Variants in ITPR1 observed in about 807,000 individuals in gnomAD.
ITPR1 encodes inositol 1,4,5-trisphosphate-gated calcium channel ITPR1.
ITPR1 carries 96 observed loss-of-function variants against 318.4 expected under a neutral mutation model. The observed-to-expected ratio is 0.30, with a 90% CI of 0.26 to 0.36. ITPR1 has a LOEUF of 0.36. Ranked by LOEUF, ITPR1 falls within the 10% of genes least tolerant of loss-of-function variation. The pLI is 1.00. For synonymous variants in ITPR1, 1,312 were observed against 1,289.9 expected (o/e 1.02, Z -0.37); for missense variants, 2,440 against 3,460.2 (o/e 0.71, Z 7.40).
chr3:4,772,154 C>CT (rs1328758917), intron 46 of ITPR1, among the ~76,000 whole-genome samples: 11 of 152,346 alleles, frequency 7.2e-5, no homozygotes, highest in African/African-American at 2.6e-4. Flanking sequence ...CTCAGCCACT[C>CT]TGAGTGCCAT....
At chr3:4,591,823 T>G (rs1280017915) in intron 4 of ITPR1, among the ~76,000 whole-genome samples, 1 of 152,214 alleles carries the variant, frequency 6.6e-6, no homozygotes, top group African/African-American at 2.4e-5. Flanking sequence ...TTGAACATAA[T>G]GGCTCACTTC....
chr3:4,693,543 C>A lies in ITPR1; in HGVS notation c.4083C>A (p.Phe1361Leu), dbSNP rs763239856. 17 of 1,613,822 alleles carry A rather than the reference C, an allele frequency of 1.1e-5. No individual in the cohort carries two copies. The highest frequency in any genetic ancestry group is 1.3e-5 in the African/African-American group (1 of 74,914). Residue 1361 changes from phenylalanine to leucine, a missense_variant, in exon 33 of 62, where the codon TTC (phenylalanine) becomes TTA (leucine). This residue lies in a region of ITPR1 where 222 missense variants were observed against 318.8 expected (regional missense o/e 0.70). Coordinates refer to ENST00000649015, the MANE Select transcript of ITPR1 (RefSeq NM_001378452.1). ...TGTTCTACAACGACAGAGCCTCTTT[C>A]CAGACTCTGATCCAGATGATGCGGT... ...VLVFYNDRAS[F>L]QTLIQMMRSE...
rs1238574402 is a variant in ITPR1, at chr3:4,627,793, G to A, written c.194G>A (p.Arg65His). The change falls in exon 5 of 62, where the codon CGC becomes CAC. Residue 65 changes from arginine to histidine, a missense_variant. Arg to His is a conservative substitution (Grantham distance 29). Around this residue, in one of 23 missense-constraint regions of ITPR1, gnomAD observed 186 missense variants for 323.9 expected, o/e 0.57. Transcript: ENST00000649015. ...DCLFKLCPMN[R>H]YSAQKQFWKA... ...CTCTTTAAGCTATGTCCCATGAACC[G>A]CTACTCTGCCCAAAAGCAGTTCTGG... 1.2e-6 allele frequency: 2 copies of A among 1,613,074 alleles called. No individual in the cohort carries two copies. Among genetic ancestry groups the A allele is most frequent in the Admixed American group, 1.7e-5 (1 of 59,964 alleles).
intron 4 of ITPR1, among the ~76,000 whole-genome samples, chr3:4,528,664 AG>A (rs1186133715): frequency 6.6e-6 from 1 of 152,128 alleles, no homozygotes; most frequent in Non-Finnish European, 1.5e-5. Context: ...GTAGGGGTAT[AG>A]GACTTACTTT....
intron 4 of ITPR1, among the ~76,000 whole-genome samples, chr3:4,533,267 C>T (rs150577042): frequency 1.9e-4 from 29 of 152,312 alleles, no homozygotes; most frequent in East Asian, 1.5e-3. Flanking sequence ...TTGCCGAATC[C>T]GGTCATAATG....
intron 61 of ITPR1, among the ~76,000 whole-genome samples, chr3:4,840,715 C>T (rs143670610): frequency 5.3e-5 from 8 of 152,286 alleles, no homozygotes; most frequent in Non-Finnish European, 7.3e-5. Flanking sequence ...TATTATTTAA[C>T]GATGCCTCTC....
At chr3:4,709,405 G>T (rs761342466) in intron 37 of ITPR1, among the ~76,000 whole-genome samples, 3 of 152,208 alleles carry the variant, frequency 2.0e-5, no homozygotes, top group Non-Finnish European at 4.4e-5. Context: ...CTGGATGAAA[G>T]ATTAGTTAAT....
At chr3:4,751,071 G>T (rs200985849) in intron 44 of ITPR1, 1 of 152,714 alleles carries the variant, frequency 6.5e-6, no homozygotes, top group Admixed American at 6.5e-5. Context: ...TTGGACAGTC[G>T]GTATGGCCTG....
chr3:4,810,737 G>C (rs1301730862), intron 55 of ITPR1, among the ~76,000 whole-genome samples: 1 of 152,194 alleles, frequency 6.6e-6, no homozygotes, highest in African/African-American at 2.4e-5. Flanking sequence ...GAGGGGATGA[G>C]GAAAGTGCCT....
At chr3:4,802,994 A>T (rs1258764090) in intron 54 of ITPR1, among the ~76,000 whole-genome samples, 1 of 152,174 alleles carries the variant, frequency 6.6e-6, no homozygotes, top group East Asian at 1.9e-4. Context: ...TCGGTAATTT[A>T]TAAGAAAAGA....
chr3:4,790,891 C>A (rs2047513262), intron 52 of ITPR1, among the ~76,000 whole-genome samples: 1 of 152,244 alleles, frequency 6.6e-6, no homozygotes, highest in Non-Finnish European at 1.5e-5. Flanking sequence ...CACATCCTCT[C>A]TCTCACCATC....
chr3:4,679,068 G>A (rs148739629), intron 24 of ITPR1, among the ~76,000 whole-genome samples: 1 of 152,162 alleles, frequency 6.6e-6, no homozygotes, highest in Non-Finnish European at 1.5e-5. Context: ...GCCTTGAGCA[G>A]GGAGAAACGG....
At chr3:4,773,288 CT>C (rs986916360) in intron 46 of ITPR1, among the ~76,000 whole-genome samples, 16 of 152,266 alleles carry the variant, frequency 1.1e-4, no homozygotes, top group African/African-American at 3.6e-4. Context: ...TGGTGGGAGC[CT>C]GGAGGCCAGG....
At chr3:4,592,981 G>A (rs879438633) in intron 4 of ITPR1, among the ~76,000 whole-genome samples, 5 of 152,212 alleles carry the variant, frequency 3.3e-5, no homozygotes, top group Admixed American at 6.5e-5. Flanking sequence ...AGACCAACTG[G>A]CTTCTCTGGT....
At chr3:4,582,078 A>G (rs893428783) in intron 4 of ITPR1, among the ~76,000 whole-genome samples, 1 of 152,004 alleles carries the variant, frequency 6.6e-6, no homozygotes, top group Non-Finnish European at 1.5e-5. Context: ...AAGTCATGCT[A>G]TGTGTGAGAC....
At chr3:4,657,411 A>G (rs909999905) in intron 12 of ITPR1, among the ~76,000 whole-genome samples, 1 of 121,786 alleles carries the variant, frequency 8.2e-6, no homozygotes, top group Non-Finnish European at 1.5e-5. Context: ...TTTTTTTTTA[A>G]TCATCTGGAG....
intron 44 of ITPR1, among the ~76,000 whole-genome samples, chr3:4,764,946 CTGGATGGATGGATGGA>C (rs61395050): frequency 3.7e-4 from 54 of 147,696 alleles, no homozygotes; most frequent in African/African-American, 1.1e-3. Flanking sequence ...TAGTGGGTGG[CTGGATGGATGGATGGA>C]TGGATGGATG....
intron 4 of ITPR1, among the ~76,000 whole-genome samples, chr3:4,559,416 A>C (rs2086458433): frequency 6.6e-6 from 1 of 152,224 alleles, no homozygotes; most frequent in Non-Finnish European, 1.5e-5. Context: ...AGTATAGACA[A>C]CTTTATATAT....
At chr3:4,672,483 T>A (rs1465691501) in intron 20 of ITPR1, among the ~76,000 whole-genome samples, 1 of 152,228 alleles carries the variant, frequency 6.6e-6, no homozygotes, top group Non-Finnish European at 1.5e-5. Context: ...TTTCTCGTTA[T>A]TTCACATTTC....
Sources: allele counts gnomAD v4.1 joint callset (sites outside exome capture counted in the v4.1 genomes callset), GRCh38; gene constraint gnomAD v4.1.1; regional missense constraint gnomAD v4.1.1; transcripts MANE v1.5; gene names NCBI Gene and HGNC (gene_info 2026-07-23, HGNC 2026-07-21).